Variants in SMG9 observed in about 807,000 individuals in gnomAD.
The protein encoded by SMG9 is nonsense-mediated mRNA decay factor SMG9.
Under a neutral mutation model 64.0 loss-of-function variants are expected in SMG9, and 55 were observed. The ratio of observed to expected loss-of-function variants is 0.86; its 90% CI spans 0.69 to 1.08. The LOEUF is 1.08. Among genes scored for constraint, SMG9 ranks in the 50% least tolerant of loss-of-function variants. SMG9 has a pLI of 0.00. For synonymous variants in SMG9, 244 were observed against 254.8 expected (o/e 0.96, Z 0.41); for missense variants, 554 against 681.3 (o/e 0.81, Z 2.08).
At chr19:43,748,185 C>G in intron 2 of SMG9, 133 bp from the exon 3 acceptor site, 1 of 1,059,610 alleles carries the variant, frequency 9.4e-7, no homozygotes, top group South Asian at 1.8e-5. Flanking sequence ...GAGATAGATA[C>G]TATTATTACC....
chr19:43,739,380 A>G (rs1968775892), intron 7 of SMG9, among the ~76,000 whole-genome samples: 1 of 152,160 alleles, frequency 6.6e-6, no homozygotes, highest in South Asian at 2.1e-4. Flanking sequence ...TCCCACTTAA[A>G]ACTGAGGAAT....
Position 43,738,149 on chromosome 19 carries a change from G to A in SMG9, c.882C>T (p.Asn294=), listed in dbSNP as rs770841974. ...NNDRKLPPEY[N]LPHTYVEMQS... ...GCATTTCAACGTAAGTGTGGGGAAG[G>A]TTGTACTCTGGAGGCAGTTTGCGGT... The change falls in exon 8 of 14, where the codon AAC becomes AAT. Residue 294 remains asparagine, a synonymous_variant. Transcript: ENST00000270066. 40 of 1,614,032 alleles carry A rather than the reference G, an allele frequency of 2.5e-5. No individual in the cohort carries two copies. The Admixed American group carries it at 3.7e-4, about 15-fold the overall frequency.
chr19:43,735,688 AT>A (rs1373598280), intron 9 of SMG9, among the ~76,000 whole-genome samples: 1 of 151,718 alleles, frequency 6.6e-6, no homozygotes, highest in African/African-American at 2.4e-5. Flanking sequence ...TTTTAAAATA[AT>A]TTTTTACAAT....
intron 6 of SMG9, among the ~76,000 whole-genome samples, chr19:43,743,725 G>A (rs913374213): frequency 1.3e-5 from 2 of 152,246 alleles, no homozygotes; most frequent in Non-Finnish European, 2.9e-5. Context: ...GAGCCTGGGA[G>A]GTAGAGGATG....
In SMG9 at chr19:43,729,338, G is replaced by A. The variant is rs1600184393; in HGVS notation, c.*2258C>T. 1.3e-5 allele frequency: 2 copies of A among 152,326 alleles called. No individual in the cohort carries two copies. Among genetic ancestry groups the A allele is most frequent in the South Asian group, 4.1e-4 (2 of 4,830 alleles). 9.4% of individuals were successfully genotyped at this position (152,326 alleles called of 1,614,324 possible). ...GGATGCTTCACACGCCCCTGGATTTGGCAGCCAGGGACACCAAGAGTGTGC... is the reference window on the plus strand; with the variant it reads ...GGATGCTTCACACGCCCCTGGATTTAGCAGCCAGGGACACCAAGAGTGTGC... On this transcript the variant is annotated 3_prime_UTR_variant, in exon 14 of 14. Transcript: ENST00000270066.
chr19:43,735,628 A>AAG (rs1306101855), intron 9 of SMG9, among the ~76,000 whole-genome samples: 18 of 151,876 alleles, frequency 1.2e-4, no homozygotes, highest in African/African-American at 4.1e-4. Context: ...AAAAAAAAAA[A>AAG]AAAAAAAAAA....
In SMG9 at chr19:43,752,902, T is replaced by TAAAAAAAAAAAAAAAAAAAAAAA. The variant is rs775445159; in HGVS notation, c.-7+1751_-7+1752insTTTTTTTTTTTTTTTTTTTTTTT. Among the ~76,000 whole-genome samples the TAAAAAAAAAAAAAAAAAAAAAAA allele has an allele frequency of 9.0e-4, 87 of 96,264 alleles. 8 individuals are homozygous for TAAAAAAAAAAAAAAAAAAAAAAA. The highest frequency in any genetic ancestry group is 3.2e-3 in the East Asian group (10 of 3,150). 63.2% of individuals were successfully genotyped at this position (96,264 alleles called of 152,430 possible). A position where few individuals can be genotyped will look rare whatever the true frequency, so the allele number is the denominator to read the frequency against. ...CTGGGTAACAAAGCAAGACCCTGTC[T>TAAAAAAAAAAAAAAAAAAAAAAA]AAAAAAAAAAAAAAGCAGAACCCTG... On this transcript the variant is annotated intron_variant, in intron 1 of 13. Coordinates refer to ENST00000270066, the MANE Select transcript of SMG9 (RefSeq NM_019108.4).
At chr19:43,751,807 TG>T (rs1229013248) in intron 1 of SMG9, among the ~76,000 whole-genome samples, 2 of 152,266 alleles carry the variant, frequency 1.3e-5, no homozygotes, top group East Asian at 3.9e-4. Context: ...GACACAAGGT[TG>T]GGGGGTTCCA....
Position 43,733,429 on chromosome 19 carries a change from T to G in SMG9, c.1234A>C (p.Asn412His), listed in dbSNP as rs143238634. 35 of 1,613,856 alleles carry G rather than the reference T, an allele frequency of 2.2e-5. No homozygotes were observed. Among genetic ancestry groups the G allele is most frequent in the Non-Finnish European group, 2.8e-5 (33 of 1,180,020 alleles). Reference sequence around the variant, plus strand: ...TCAGGTGGAAGCCCCGGGAAGACATTGCATTGTAACATGGACAGAGTTCCT... The same window carrying G: ...TCAGGTGGAAGCCCCGGGAAGACATGGCATTGTAACATGGACAGAGTTCCT... ...YKGTLSMLQC[N>H]VFPGLPPDFL... Residue 412 changes from asparagine (N) to histidine (H), a missense_variant, in exon 12 of 14, where the codon AAT becomes CAT. Physicochemically the swap from Asn to His is moderately conservative, Grantham distance 68 (BLOSUM62 1). Transcript: ENST00000270066.
At chr19:43,738,612 G>A (rs1017557233) in intron 7 of SMG9, among the ~76,000 whole-genome samples, 9 of 151,944 alleles carry the variant, frequency 5.9e-5, no homozygotes, top group Non-Finnish European at 1.2e-4. Context: ...TTTAAAAACT[G>A]CATCAGTATG....
intron 10 of SMG9, chr19:43,734,052 G>C: frequency 1.9e-6 from 1 of 526,158 alleles, no homozygotes; most frequent in Admixed American, 3.3e-5. Flanking sequence ...CTAGAGGAGG[G>C]AGAACAGGTG....
At chr19:43,752,713 C>A (rs139448671) in intron 1 of SMG9, among the ~76,000 whole-genome samples, 7,440 of 152,072 alleles carry the variant, frequency 0.049, 255 homozygotes, top group Middle Eastern at 0.082. Context: ...GCTTGGGCAA[C>A]ATAGCAAGAT....
intron 1 of SMG9, among the ~76,000 whole-genome samples, chr19:43,753,801 A>C (rs1415201848): frequency 6.6e-6 from 1 of 151,018 alleles, no homozygotes; most frequent in Non-Finnish European, 1.5e-5. Flanking sequence ...CAGTATCTGA[A>C]TGTGGGGAGT....
chr19:43,750,833 T>C (rs954144192), intron 1 of SMG9, 86 bp from the exon 2 acceptor site: 2 of 1,287,972 alleles, frequency 1.6e-6, no homozygotes, highest in Non-Finnish European at 2.1e-6. Context: ...AGTCCCTTCT[T>C]TCTTTTTTTT....
rs566745179 is a variant in SMG9, at chr19:43,731,122, G to C, written c.*474C>G. The C allele has an allele frequency of 1.6e-5, 16 of 987,474 alleles. 1 individual carries two copies. In the African/African-American group the frequency reaches 2.3e-4, roughly 14 times the overall value. 61.2% of individuals were successfully genotyped at this position (987,474 alleles called of 1,614,324 possible). A position where few individuals can be genotyped will look rare whatever the true frequency, so the allele number is the denominator to read the frequency against. On this transcript the variant is annotated 3_prime_UTR_variant, in exon 14 of 14. Transcript: ENST00000270066. ...TCCTGCTTCCCAGAGCTGCATGGTG[G>C]GTAGAGGAGTAAGTGGAACATAAGA...
In SMG9 at chr19:43,731,085, G is replaced by C; in HGVS notation, c.*511C>G. 1.0e-6 allele frequency: 1 copy of C among 981,732 alleles called. No individual in the cohort carries two copies. Among genetic ancestry groups the C allele is most frequent in the Non-Finnish European group, 1.2e-6 (1 of 826,430 alleles). 60.8% of individuals were successfully genotyped at this position (981,732 alleles called of 1,614,324 possible). ...ATCTCCATCTGCCCGCAAGGGCTGG[G>C]TGTCCAATTTGTCCTGCTTCCCAGA... On this transcript the variant is annotated 3_prime_UTR_variant, in exon 14 of 14. Coordinates refer to ENST00000270066, the MANE Select transcript of SMG9 (RefSeq NM_019108.4).
chr19:43,732,850 G>A lies in SMG9; in HGVS notation c.1484+8C>T. On this transcript the variant is annotated splice_region_variant and intron_variant, in intron 13 of 13. Coordinates refer to ENST00000270066, the MANE Select transcript of SMG9 (RefSeq NM_019108.4). The stretch of plus-strand genomic sequence containing the variant: ...CTCAAATTGACCCCCTCTGCAAAGA[G>A]CTCTTACCAGTTCTTCTCGGTGAGG... The A allele has an allele frequency of 6.2e-7, 1 of 1,613,822 alleles. No individual in the cohort carries two copies. The highest frequency in any genetic ancestry group is 8.5e-7 in the Non-Finnish European group (1 of 1,179,996).
chr19:43,746,885 G>C (rs1209638971), intron 5 of SMG9, among the ~76,000 whole-genome samples: 5 of 150,584 alleles, frequency 3.3e-5, no homozygotes, highest in Admixed American at 1.3e-4. Flanking sequence ...GCAATGTCAT[G>C]ATCACAGCTC....
In SMG9 at chr19:43,730,951, G is replaced by GCTTC. The variant is rs1968463688; in HGVS notation, c.*644_*645insGAAG. The GCTTC allele has an allele frequency of 5.3e-6, 1 of 188,798 alleles. No individual in the cohort carries two copies. The highest frequency in any genetic ancestry group is 2.4e-5 in the African/African-American group (1 of 42,104). 11.7% of individuals were successfully genotyped at this position (188,798 alleles called of 1,614,324 possible). On this transcript the variant is annotated 3_prime_UTR_variant, in exon 14 of 14. Coordinates refer to ENST00000270066, the MANE Select transcript of SMG9 (RefSeq NM_019108.4). ...AGCAGAAGACACGAGGGTAGTTGCT[G>GCTTC]TACTCAGCTGCACCAGTGTATTTTC...
Sources: allele counts gnomAD v4.1 joint callset (sites outside exome capture counted in the v4.1 genomes callset), GRCh38; gene constraint gnomAD v4.1.1; transcripts MANE v1.5; gene names NCBI Gene and HGNC (gene_info 2026-07-23, HGNC 2026-07-21).